Variants in NCEH1 observed in about 807,000 individuals in gnomAD.
NCEH1 encodes the protein neutral cholesterol ester hydrolase 1, also known as 2-acetyl MAGE hydrolase.
A neutral mutation model predicts 25.4 loss-of-function variants in NCEH1; 9 were observed. That is an observed-to-expected ratio of 0.35 (90% CI 0.21 to 0.62). The LOEUF (loss-of-function observed/expected upper bound fraction) is 0.62, where lower values mean the gene tolerates loss of function less well. Among genes scored for constraint, NCEH1 ranks in the 20% least tolerant of loss-of-function variants. The pLI is 0.72. For synonymous variants in NCEH1, 200 were observed against 199.8 expected (o/e 1.00, Z -0.01); for missense variants, 412 against 501.1 (o/e 0.82, Z 1.70).
chr3:172,701,466 T>TTTTTTTTTTTTA (rs1159407444), intron 1 of NCEH1, among the ~76,000 whole-genome samples: 5 of 143,586 alleles, frequency 3.5e-5, no homozygotes, highest in Non-Finnish European at 3.0e-5. Context: ...TTTTTTTTTT[T>TTTTTTTTTTTTA]AAAGACGGAG....
chr3:172,700,074 CA>C (rs1713596349), intron 1 of NCEH1, among the ~76,000 whole-genome samples: 1 of 152,100 alleles, frequency 6.6e-6, no homozygotes, highest in Non-Finnish European at 1.5e-5. Context: ...AGGTATTCTA[CA>C]AATGGATTAC....
chr3:172,634,989 C>A (rs1716536735), intron 4 of NCEH1, among the ~76,000 whole-genome samples: 1 of 152,156 alleles, frequency 6.6e-6, no homozygotes, highest in Non-Finnish European at 1.5e-5. Context: ...CTCACTAAGT[C>A]CTTGCAACAG....
Position 172,633,348 on chromosome 3 carries a change from T to A in NCEH1, c.*127A>T. ...TATCATAAAGACTTCAGTTATGGAATAGAAATTCCATAACTCGCAAGTAGA... is the reference window on the plus strand; with the variant it reads ...TATCATAAAGACTTCAGTTATGGAAAAGAAATTCCATAACTCGCAAGTAGA... On this transcript the variant is annotated 3_prime_UTR_variant, in exon 5 of 5. Transcript: ENST00000475381. 2 of 909,594 alleles carry A rather than the reference T, an allele frequency of 2.2e-6. No homozygotes were observed. Among genetic ancestry groups the A allele is most frequent in the Non-Finnish European group, 3.4e-6 (2 of 592,522 alleles). The allele number at this position is 909,594 out of a possible 1,614,324, so 56.3% of individuals were successfully genotyped here.
At chr3:172,642,603 C>CAAAAAAAAAAAAAAAAAAAAAA (rs66551744) in intron 3 of NCEH1, among the ~76,000 whole-genome samples, 1 of 83,912 alleles carries the variant, frequency 1.2e-5, no homozygotes, top group African/African-American at 4.9e-5. Flanking sequence ...GCTATTTCTA[C>CAAAAAAAAAAAAAAAAAAAAAA]AAAAAAAAAA....
chr3:172,710,783 T>C, intron 1 of NCEH1, 64 bp downstream of exon 1: 1 of 1,575,574 alleles, frequency 6.3e-7, no homozygotes, highest in South Asian at 1.1e-5. Context: ...CGGAGGAATT[T>C]TGTATCCCCT....
chr3:172,668,164 T>TG (rs1718308419), intron 1 of NCEH1, among the ~76,000 whole-genome samples: 3 of 152,178 alleles, frequency 2.0e-5, no homozygotes, highest in African/African-American at 7.2e-5. Flanking sequence ...CAGGTAGCTC[T>TG]GTAAGCAGCA....
In NCEH1 at chr3:172,632,352, A is replaced by G. The variant is rs991315289; in HGVS notation, c.*1123T>C. On this transcript the variant is annotated 3_prime_UTR_variant, in exon 5 of 5. Transcript: ENST00000475381. ...ACCCTAAGGCAGTTTTTTAAAAAAT[A>G]CCATTGTTTTTAATATTTATTATGG... is the stretch of plus-strand genomic sequence containing the variant. 1.3e-5 allele frequency: 2 copies of G among 152,320 alleles called. 1 individual carries two copies. The highest frequency in any genetic ancestry group is 4.1e-4 in the South Asian group (2 of 4,832). 9.4% of individuals were successfully genotyped at this position (152,320 alleles called of 1,614,324 possible).
chr3:172,683,501 T>A (rs1009513310), intron 1 of NCEH1, among the ~76,000 whole-genome samples: 3 of 151,188 alleles, frequency 2.0e-5, no homozygotes, highest in African/African-American at 7.3e-5. Context: ...GAGACCTCTG[T>A]CTCTACAAAA....
At chr3:172,686,346 G>A (rs1015731040) in intron 1 of NCEH1, among the ~76,000 whole-genome samples, 18 of 152,114 alleles carry the variant, frequency 1.2e-4, no homozygotes, top group African/African-American at 3.6e-4. Flanking sequence ...CCGGTCTTCC[G>A]CACACCAAAT....
intron 1 of NCEH1, among the ~76,000 whole-genome samples, chr3:172,707,766 T>C (rs1714087915): frequency 6.6e-6 from 1 of 152,132 alleles, no homozygotes; most frequent in South Asian, 2.1e-4. Flanking sequence ...TTTTGTATTT[T>C]TAGTAGAGAC....
intron 1 of NCEH1, among the ~76,000 whole-genome samples, chr3:172,694,378 A>ATGTGTGTGTGTGTGTGTG (rs369794698): frequency 4.6e-5 from 7 of 151,236 alleles, no homozygotes; most frequent in African/African-American, 1.7e-4. Flanking sequence ...AGTTATATAT[A>ATGTGTGTGTGTGTGTGTG]TGTGTGTGTG....
Position 172,633,682 on chromosome 3 carries a change from G to A in NCEH1, c.1020C>T (p.Thr340=). 9 of 1,614,216 alleles carry A rather than the reference G, an allele frequency of 5.6e-6. No individual in the cohort carries two copies. Among genetic ancestry groups the A allele is most frequent in the Non-Finnish European group, 7.6e-6 (9 of 1,180,040 alleles). Reference sequence around the variant, plus strand: ...CATCATGCTCACACGTCAGAATGTAGGTCTTTGGGAGGAGCTGCAGCACTG... The same window carrying A: ...CATCATGCTCACACGTCAGAATGTAAGTCTTTGGGAGGAGCTGCAGCACTG... The part of the protein sequence containing the change: ...DQAVLQLLPK[T]YILTCEHDVL... Residue 340 remains threonine (T), a synonymous_variant, in exon 5 of 5, where the codon ACC becomes ACT. Coordinates refer to ENST00000475381, the MANE Select transcript of NCEH1 (RefSeq NM_020792.6).
intron 1 of NCEH1, among the ~76,000 whole-genome samples, chr3:172,709,118 G>GTA (rs2108235003): frequency 6.6e-6 from 1 of 152,338 alleles, no homozygotes; most frequent in African/African-American, 2.4e-5. Flanking sequence ...CCACCTGAGG[G>GTA]TATACTCTGT....
intron 1 of NCEH1, among the ~76,000 whole-genome samples, chr3:172,706,010 C>CA (rs35383888): frequency 0.17 from 17,868 of 103,524 alleles, 1,464 homozygotes; most frequent in African/African-American, 0.25. Flanking sequence ...CAACAACAAC[C>CA]AAAAAAAAAA....
chr3:172,631,777 C>A lies in NCEH1; in HGVS notation c.*1698G>T, dbSNP rs1384832689. 6.6e-6 allele frequency: 1 copy of A among 152,462 alleles called. No individual in the cohort carries two copies. The highest frequency in any genetic ancestry group is 2.4e-5 in the African/African-American group (1 of 41,426). The allele number at this position is 152,462 out of a possible 1,614,324, so 9.4% of individuals were successfully genotyped here. On this transcript the variant is annotated 3_prime_UTR_variant, in exon 5 of 5. Coordinates refer to ENST00000475381, the MANE Select transcript of NCEH1 (RefSeq NM_020792.6). ...TCGTTGCTGGAAGTGGGAAATACCC[C>A]ATCTTCCCAGGAGTGAAATGGTTCT...
At chr3:172,660,310 A>C (rs182652796) in intron 1 of NCEH1, among the ~76,000 whole-genome samples, 1 of 151,960 alleles carries the variant, frequency 6.6e-6, no homozygotes, top group African/African-American at 2.4e-5. Context: ...TGAACTCATC[A>C]TTTTTTATGG....
intron 1 of NCEH1, among the ~76,000 whole-genome samples, chr3:172,669,277 GA>G (rs1718373914): frequency 1.3e-5 from 2 of 152,256 alleles, no homozygotes; most frequent in South Asian, 2.1e-4. Flanking sequence ...GGAAGCAGTG[GA>G]AAAAAATTAT....
intron 1 of NCEH1, among the ~76,000 whole-genome samples, chr3:172,705,709 A>C (rs1244309790): frequency 1.3e-5 from 2 of 152,014 alleles, no homozygotes; most frequent in East Asian, 3.9e-4. Flanking sequence ...ATAAAACCCT[A>C]TTTTTGGCTG....
chr3:172,702,499 T>C (rs1342993510), intron 1 of NCEH1, among the ~76,000 whole-genome samples: 1 of 152,202 alleles, frequency 6.6e-6, no homozygotes, highest in Admixed American at 6.5e-5. Context: ...ATCCCTCACT[T>C]GACTGTAAGC....
Sources: allele counts gnomAD v4.1 joint callset (sites outside exome capture counted in the v4.1 genomes callset), GRCh38; gene constraint gnomAD v4.1.1; transcripts MANE v1.5; gene names NCBI Gene and HGNC (gene_info 2026-07-23, HGNC 2026-07-21).